The following SLC9C1 variants were observed in gnomAD, a reference collection of about 807,000 sequenced individuals.
The protein encoded by SLC9C1 is solute carrier family 9 member C1.
SLC9C1 carries 97 observed loss-of-function variants against 140.9 expected under a neutral mutation model. The ratio of observed to expected loss-of-function variants is 0.69; its 90% CI spans 0.58 to 0.82. SLC9C1 has a LOEUF of 0.82. SLC9C1 is among the 40% of genes least tolerant of loss of function. The pLI is 0.00. For missense variants in SLC9C1, 1,340 were observed against 1,389.3 expected (o/e 0.96, Z 0.56); for synonymous variants, 440 against 442.6 (o/e 0.99, Z 0.07).
At chr3:112,188,843 C>T (rs757896450) in intron 20 of SLC9C1, among the ~76,000 whole-genome samples, 1 of 152,198 alleles carries the variant, frequency 6.6e-6, no homozygotes, top group Non-Finnish European at 1.5e-5. Flanking sequence ...AGTTTACACT[C>T]CCACCAACAG....
At chr3:112,192,659 A>G (rs936461997) in intron 20 of SLC9C1, among the ~76,000 whole-genome samples, 5 of 151,830 alleles carry the variant, frequency 3.3e-5, no homozygotes, top group African/African-American at 1.2e-4. Flanking sequence ...GAAGCTCTCA[A>G]TTGTGTTTTT....
At chr3:112,261,014 C>T (rs10934158) in intron 10 of SLC9C1, among the ~76,000 whole-genome samples, 1 of 151,694 alleles carries the variant, frequency 6.6e-6, no homozygotes, top group Non-Finnish European at 1.5e-5. Context: ...GTATTTTCTG[C>T]CCAGTAAGTT....
intron 15 of SLC9C1, among the ~76,000 whole-genome samples, chr3:112,215,736 C>G (rs2078344744): frequency 6.6e-6 from 1 of 152,192 alleles, no homozygotes; most frequent in Non-Finnish European, 1.5e-5. Flanking sequence ...ACATTCCATG[C>G]TCTGGGGTAG....
At chr3:112,185,953 G>T in intron 20 of SLC9C1, 2 of 1,563,306 alleles carry the variant, frequency 1.3e-6, no homozygotes, top group Non-Finnish European at 1.7e-6. Context: ...AGCTTGGGGT[G>T]GTGGGCGACC....
chr3:112,254,585 G>GA (rs1031430164), intron 10 of SLC9C1, among the ~76,000 whole-genome samples: 12 of 151,868 alleles, frequency 7.9e-5, no homozygotes, highest in African/African-American at 2.9e-4. Context: ...AAGAGATCTG[G>GA]AAAAAAGCAC....
At chr3:112,160,078 A>G (rs911564632) in intron 26 of SLC9C1, among the ~76,000 whole-genome samples, 1 of 151,906 alleles carries the variant, frequency 6.6e-6, no homozygotes, top group Non-Finnish European at 1.5e-5. Flanking sequence ...TACTACTAAT[A>G]GGTAGGGACT....
At position 112,281,630 on chromosome 3, in the gene SLC9C1, A is replaced by C. The variant is rs115009905; in HGVS notation, c.89-847T>G. 1.4e-3 allele frequency among the ~76,000 whole-genome samples: 211 copies of C among 152,362 alleles called. 3 individuals carry two copies. Among genetic ancestry groups the C allele is most frequent in the African/African-American group, 4.8e-3 (201 of 41,586 alleles). ...CTCAAAATATGCAGGGAAGGAATAAAAGTGAAGGGTGTTTTTCTTACAGAA... is the reference window on the plus strand; with the variant it reads ...CTCAAAATATGCAGGGAAGGAATAACAGTGAAGGGTGTTTTTCTTACAGAA... On this transcript the variant is annotated intron_variant, in intron 2 of 28. Transcript: ENST00000305815.
intron 11 of SLC9C1, 133 bp from the exon 12 acceptor site, chr3:112,240,139 G>T: frequency 3.6e-6 from 3 of 822,806 alleles, no homozygotes; most frequent in Non-Finnish European, 5.4e-6. Flanking sequence ...GTTTAATAAT[G>T]GGAATACTAA....
rs1014818620 is a variant in SLC9C1 at position 112,185,844 on chromosome 3, C to T, written c.2524-3586G>A. On this transcript the variant is annotated intron_variant, in intron 20 of 28. Transcript: ENST00000305815. ...AGTGCCCTCCTCCTCGTAAGCAGGG[C>T]CCGGGACTGCGCGGCACAGCTCCCA... 2.5e-5 allele frequency: 40 copies of T among 1,587,172 alleles called. No homozygotes were observed. In the East Asian group the frequency reaches 7.4e-4, roughly 30 times the overall value.
intron 15 of SLC9C1, among the ~76,000 whole-genome samples, chr3:112,216,252 C>T (rs560254726): frequency 1.3e-5 from 2 of 152,128 alleles, no homozygotes; most frequent in East Asian, 1.9e-4. Flanking sequence ...CCATAAAAAC[C>T]CTAGAAGAAA....
At chr3:112,161,046 T>C (rs1323880817) in intron 26 of SLC9C1, among the ~76,000 whole-genome samples, 116 of 152,344 alleles carry the variant, frequency 7.6e-4, no homozygotes, top group African/African-American at 2.6e-3. Context: ...TTTCATGTGT[T>C]TTTTGGCTGC....
At chr3:112,271,393 G>GTGTATATATATA (rs142798462) in intron 6 of SLC9C1, among the ~76,000 whole-genome samples, 4 of 125,574 alleles carry the variant, frequency 3.2e-5, no homozygotes, top group Non-Finnish European at 6.9e-5. Context: ...ATTCTACATT[G>GTGTATATATATA]TATATATATA....
intron 13 of SLC9C1, among the ~76,000 whole-genome samples, chr3:112,223,381 C>T (rs909815667): frequency 6.6e-6 from 1 of 151,986 alleles, no homozygotes; most frequent in East Asian, 1.9e-4. Context: ...GGGTACAAGG[C>T]CTAGTAAGCA....
At chr3:112,256,026 C>A (rs926732620) in intron 10 of SLC9C1, among the ~76,000 whole-genome samples, 1 of 139,742 alleles carries the variant, frequency 7.2e-6, no homozygotes, top group Non-Finnish European at 1.6e-5. Context: ...CAAGCCTCAA[C>A]CAGGAAGAAA....
In SLC9C1 at chr3:112,266,260, T is replaced by A. The variant is rs9872691; in HGVS notation, c.856A>T (p.Ile286Phe). 8.1e-6 allele frequency: 13 copies of A among 1,609,550 alleles called. No homozygotes were observed. The highest frequency in any genetic ancestry group is 9.3e-6 in the Non-Finnish European group (11 of 1,177,922). The change falls in exon 8 of 29, where the codon ATT becomes TTT. Residue 286 changes from isoleucine (I) to phenylalanine (F), a missense_variant. By Grantham distance (21) the Ile-to-Phe change is conservative (BLOSUM62 0). Transcript: ENST00000305815. ...LLNSTSFKAA[I>F]EETLLLEFWT... ...TACTCAAGAAGAAGTGTTTCTTCAA[T>A]TGCTGCTTTAAAACTTGTAGAATTT...
intron 28 of SLC9C1, among the ~76,000 whole-genome samples, chr3:112,148,968 G>A (rs564846520): frequency 6.6e-6 from 1 of 152,040 alleles, no homozygotes; most frequent in Non-Finnish European, 1.5e-5. Context: ...TAATCTAGAA[G>A]AGTGGGTGCT....
intron 12 of SLC9C1, among the ~76,000 whole-genome samples, chr3:112,239,526 T>C (rs1397939692): frequency 6.6e-6 from 1 of 152,176 alleles, no homozygotes; most frequent in Non-Finnish European, 1.5e-5. Context: ...AATGCAGAAA[T>C]CACCCGTCTT....
intron 6 of SLC9C1, among the ~76,000 whole-genome samples, chr3:112,274,542 C>T (rs149819284): frequency 1.1e-4 from 16 of 151,984 alleles, no homozygotes; most frequent in African/African-American, 3.4e-4. Context: ...GAAGAGAAGC[C>T]GCCTCCTCTC....
At chr3:112,166,914 C>T (rs1029456527) in intron 26 of SLC9C1, among the ~76,000 whole-genome samples, 5 of 152,170 alleles carry the variant, frequency 3.3e-5, no homozygotes, top group African/African-American at 1.2e-4. Flanking sequence ...GTACAATGCT[C>T]TTTTTATTGT....
Sources: gnomAD v4.1 joint callset for allele counts (sites outside exome capture counted in the v4.1 genomes callset) on GRCh38, gnomAD v4.1.1 for gene constraint, MANE v1.5 for transcripts, NCBI Gene and HGNC (gene_info 2026-07-23, HGNC 2026-07-21) for gene names.